Variants in CNTNAP2 observed in about 807,000 individuals in gnomAD.
CNTNAP2 encodes the protein contactin-associated protein-like 2.
Under a neutral mutation model 155.2 loss-of-function variants are expected in CNTNAP2, and 98 were observed. That is an observed-to-expected ratio of 0.63 (90% CI 0.54 to 0.75). CNTNAP2 has a LOEUF of 0.75. Ranked by LOEUF, CNTNAP2 falls within the 30% of genes least tolerant of loss-of-function variation. CNTNAP2 has a pLI of 0.00. For synonymous variants in CNTNAP2, 651 were observed against 631.2 expected (o/e 1.03, Z -0.47); for missense variants, 1,727 against 1,688.1 (o/e 1.02, Z -0.40).
At chr7:147,235,313 A>G (rs910127083) in intron 8 of CNTNAP2, among the ~76,000 whole-genome samples, 7 of 150,720 alleles carry the variant, frequency 4.6e-5, no homozygotes, top group African/African-American at 1.7e-4. Context: ...ACAATTCCTT[A>G]CAATGAACCT....
At chr7:146,645,398 C>G (rs1222560705) in intron 1 of CNTNAP2, among the ~76,000 whole-genome samples, 1 of 152,134 alleles carries the variant, frequency 6.6e-6, no homozygotes. Context: ...ATTCTCATCC[C>G]TCATTCTATG....
intron 13 of CNTNAP2, among the ~76,000 whole-genome samples, chr7:147,674,366 A>G (rs1795835518): frequency 6.6e-6 from 1 of 152,174 alleles, no homozygotes; most frequent in South Asian, 2.1e-4. Flanking sequence ...AGAAAATTGC[A>G]GTTTAAGATT....
chr7:147,510,657 A>G (rs775669128), intron 11 of CNTNAP2, among the ~76,000 whole-genome samples: 6 of 151,718 alleles, frequency 4.0e-5, no homozygotes, highest in Admixed American at 2.0e-4. Context: ...TTAATGGTTC[A>G]TAAGTACACT....
At chr7:146,773,352 C>T (rs890913072) in intron 1 of CNTNAP2, among the ~76,000 whole-genome samples, 12 of 152,106 alleles carry the variant, frequency 7.9e-5, no homozygotes, top group Non-Finnish European at 1.3e-4. Context: ...TAATAATTTT[C>T]AAGTTGATGG....
rs1005139833 is a variant in CNTNAP2 at position 148,298,936 on chromosome 7, G to A, written c.3475+31810G>A. Among the ~76,000 whole-genome samples the A allele has an allele frequency of 2.0e-5, 3 of 151,844 alleles. No individual in the cohort carries two copies. In the East Asian group the frequency reaches 5.8e-4, roughly 29 times the overall value. ...GCTGGTCTCGAACTCCTGGGCTCAA[G>A]TGATCCACCCACTGTGGTCTCCTAA... On this transcript the variant is annotated intron_variant, in intron 21 of 23. Coordinates refer to ENST00000361727, the MANE Select transcript of CNTNAP2 (RefSeq NM_014141.6).
intron 13 of CNTNAP2, among the ~76,000 whole-genome samples, chr7:147,649,174 T>C (rs575876759): frequency 6.6e-6 from 1 of 152,266 alleles, no homozygotes; most frequent in Non-Finnish European, 1.5e-5. Flanking sequence ...AGACTTGAGC[T>C]TTGAGGTGAG....
intron 13 of CNTNAP2, among the ~76,000 whole-genome samples, chr7:147,903,176 A>G (rs565677371): frequency 5.3e-4 from 80 of 152,278 alleles, no homozygotes; most frequent in African/African-American, 1.8e-3. Flanking sequence ...TTCTTGTGGG[A>G]ATAAGGTAGT....
intron 4 of CNTNAP2, among the ~76,000 whole-genome samples, chr7:147,066,645 G>A (rs199600531): frequency 1.3e-5 from 2 of 152,120 alleles, no homozygotes; most frequent in African/African-American, 4.8e-5. Context: ...GAGAAAGGGT[G>A]CACAAACTCA....
chr7:147,577,060 A>T (rs1800408917), intron 12 of CNTNAP2, among the ~76,000 whole-genome samples: 1 of 152,148 alleles, frequency 6.6e-6, no homozygotes, highest in Non-Finnish European at 1.5e-5. Flanking sequence ...AAAAGAAACT[A>T]TGTCAACATA....
At chr7:146,261,999 C>T (rs1403823905) in intron 1 of CNTNAP2, among the ~76,000 whole-genome samples, 1 of 152,150 alleles carries the variant, frequency 6.6e-6, no homozygotes, top group Non-Finnish European at 1.5e-5. Context: ...TAGAAACATG[C>T]TCAGTGTGTG....
chr7:148,063,370 A>G (rs1321562894), intron 15 of CNTNAP2, among the ~76,000 whole-genome samples: 1 of 151,638 alleles, frequency 6.6e-6, no homozygotes, highest in Non-Finnish European at 1.5e-5. Context: ...CCCAACCCCC[A>G]CTTTTGGAAA....
At chr7:147,572,456 G>A (rs981479388) in intron 12 of CNTNAP2, among the ~76,000 whole-genome samples, 16 of 152,088 alleles carry the variant, frequency 1.1e-4, no homozygotes, top group South Asian at 4.1e-4. Flanking sequence ...TTCCAAAATC[G>A]TACTCTCTAT....
At chr7:146,119,854 A>G (rs1797537462) in intron 1 of CNTNAP2, among the ~76,000 whole-genome samples, 1 of 152,044 alleles carries the variant, frequency 6.6e-6, no homozygotes, top group South Asian at 2.1e-4. Context: ...TTATACGTGT[A>G]TATATACACA....
At chr7:147,083,664 T>C (rs1203750518) in intron 4 of CNTNAP2, among the ~76,000 whole-genome samples, 1 of 143,696 alleles carries the variant, frequency 7.0e-6, no homozygotes, top group Non-Finnish European at 1.5e-5. Flanking sequence ...TATATATACA[T>C]ATATAATACA....
chr7:148,231,182 T>G (rs573158705), intron 20 of CNTNAP2, among the ~76,000 whole-genome samples: 1 of 152,216 alleles, frequency 6.6e-6, no homozygotes, highest in African/African-American at 2.4e-5. Context: ...TTACCCTCAC[T>G]CTCTGCCACA....
At chr7:148,319,509 C>A (rs185231217) in intron 21 of CNTNAP2, among the ~76,000 whole-genome samples, 1 of 152,114 alleles carries the variant, frequency 6.6e-6, no homozygotes, top group South Asian at 2.1e-4. Flanking sequence ...GGACACCTAC[C>A]GTGGCCTGTT....
intron 11 of CNTNAP2, among the ~76,000 whole-genome samples, chr7:147,544,439 G>C (rs553018354): frequency 1.3e-5 from 2 of 152,070 alleles, no homozygotes; most frequent in African/African-American, 4.8e-5. Context: ...AATAACTACT[G>C]TTGGTGGGGA....
At chr7:147,600,778 C>G (rs574810490) in intron 12 of CNTNAP2, among the ~76,000 whole-genome samples, 1 of 152,158 alleles carries the variant, frequency 6.6e-6, no homozygotes, top group East Asian at 1.9e-4. Context: ...CTTCCTTCCC[C>G]CTCCTACTAC....
intron 1 of CNTNAP2, among the ~76,000 whole-genome samples, chr7:146,465,703 C>T (rs958432500): frequency 6.6e-6 from 1 of 152,126 alleles, no homozygotes; most frequent in Non-Finnish European, 1.5e-5. Flanking sequence ...GTCTTCAGAC[C>T]TATCTTGTTT....
Sources: gnomAD v4.1 joint callset for allele counts (sites outside exome capture counted in the v4.1 genomes callset) on GRCh38, gnomAD v4.1.1 for gene constraint, MANE v1.5 for transcripts, NCBI Gene and HGNC (gene_info 2026-07-23, HGNC 2026-07-21) for gene names.